ATG2B: variants seen among roughly 807,000 people sequenced by gnomAD.
ATG2B encodes the protein autophagy-related protein 2 homolog B.
ATG2B carries 121 observed loss-of-function variants against 241.3 expected under a neutral mutation model. The observed-to-expected ratio is 0.50, with a 90% CI of 0.43 to 0.58. The LOEUF (loss-of-function observed/expected upper bound fraction) is 0.58. Ranked by LOEUF, ATG2B falls within the 20% of genes least tolerant of loss-of-function variation. ATG2B has a pLI of 0.00. For missense variants in ATG2B, 2,306 were observed against 2,491.6 expected (o/e 0.93, Z 1.59); for synonymous variants, 858 against 876.6 (o/e 0.98, Z 0.37).
intron 17 of ATG2B, 136 bp downstream of exon 17, chr14:96,322,404 G>T: frequency 7.9e-7 from 1 of 1,270,576 alleles, no homozygotes; most frequent in Non-Finnish European, 1.1e-6. Context: ...GAAAAAATAG[G>T]TATTATTCAA....
Position 96,290,022 on chromosome 14 carries a change from T to C in ATG2B, c.5857-217A>G. 1 of 952,926 alleles carries C rather than the reference T, an allele frequency of 1.0e-6. No homozygotes were observed. The highest frequency in any genetic ancestry group is 1.7e-5 in the African/African-American group (1 of 60,388). The allele number at this position is 952,926 out of a possible 1,614,324, so 59.0% of individuals were successfully genotyped here. On this transcript the variant is annotated intron_variant, in intron 40 of 41. Coordinates refer to ENST00000359933, the MANE Select transcript of ATG2B (RefSeq NM_018036.7). This position sits in a 1 kb window ranked among gnomAD's most constrained non-coding sequence, Gnocchi z 4.4. ...TTAATAACTAACACCTGGATTGAGC[T>C]AAATTTTTAGCCCCTCCTCTGTTCA...
rs1221841505 is a variant in ATG2B, at chr14:96,286,000, G to GA, written c.6007-16dup. On this transcript the variant is annotated splice_polypyrimidine_tract_variant and intron_variant, in intron 41 of 41. Coordinates refer to ENST00000359933, the MANE Select transcript of ATG2B (RefSeq NM_018036.7). The surrounding 1 kb of genome is among the most constrained non-coding windows in gnomAD (Gnocchi z 4.2). Reference sequence around the variant, plus strand: ...TCTGTGATTCCCTGCGTAGAGGAGGGAGGTAGGAGAGAGGAGGGCAGTGAA... The same window carrying GA: ...TCTGTGATTCCCTGCGTAGAGGAGGGAAGGTAGGAGAGAGGAGGGCAGTGAA... The GA allele has an allele frequency of 2.5e-6, 4 of 1,597,990 alleles. No homozygotes were observed. In the South Asian group the frequency reaches 4.5e-5, roughly 18 times the overall value.
chr14:96,356,787 A>G (rs1595337719), intron 1 of ATG2B, among the ~76,000 whole-genome samples: 1 of 152,300 alleles, frequency 6.6e-6, no homozygotes, highest in East Asian at 1.9e-4. Context: ...ATATAAAGTC[A>G]GAAAGACAGG....
intron 36 of ATG2B, chr14:96,293,010 CTTT>C (rs1207574182): frequency 1.3e-5 from 2 of 151,940 alleles, no homozygotes; most frequent in African/African-American, 4.8e-5. Context: ...TTTTTATTGC[CTTT>C]TTTAATTAAT....
In ATG2B at chr14:96,328,525, G is replaced by C; in HGVS notation, c.1985C>G (p.Ala662Gly). ...CTTGTGAGGAACTGAACTAAGTCTT[G>C]CTTGATTACCCTTTTAAAAAAAAAA... ...SENRGPQGNQARLSSVPHKAE... is the reference protein window; with the variant it reads ...SENRGPQGNQGRLSSVPHKAE... The change falls in exon 14 of 42, where the codon GCA (alanine) becomes GGA (glycine). Residue 662 changes from alanine (A) to glycine (G), a missense_variant. Ala to Gly is a moderately conservative substitution (Grantham distance 60). Transcript: ENST00000359933. The C allele has an allele frequency of 6.3e-7, 1 of 1,594,858 alleles. No homozygotes were observed. The highest frequency in any genetic ancestry group is 8.5e-7 in the Non-Finnish European group (1 of 1,174,242).
Position 96,307,424 on chromosome 14 carries a change from C to CA in ATG2B, c.4304-509dup, listed in dbSNP as rs1161796256. ...AGAACCTGTCAAAAAAACAAACAAA[C>CA]AAACAAAAAACAACAACTAATAAAA... On this transcript the variant is annotated intron_variant, in intron 29 of 41. Transcript: ENST00000359933. Among the ~76,000 whole-genome samples, 122 of 144,550 alleles carry CA rather than the reference C, an allele frequency of 8.4e-4. No homozygotes were observed. The Middle Eastern group carries it at 0.014, about 17-fold the overall frequency. 94.8% of individuals were successfully genotyped at this position (144,550 alleles called of 152,430 possible).
intron 1 of ATG2B, among the ~76,000 whole-genome samples, chr14:96,349,457 T>C (rs901621680): frequency 1.3e-5 from 2 of 152,154 alleles, no homozygotes; most frequent in African/African-American, 4.8e-5. Flanking sequence ...CCCCTTCAGT[T>C]GCCATGTACA....
chr14:96,289,297 T>C lies in ATG2B; in HGVS notation c.6006+359A>G, dbSNP rs1267069261. ...ATGGGAATAGGATCAGGGTGGGAGATTCATCTGAAAAGTTCTAGTTCTTAA... is the reference window on the plus strand; with the variant it reads ...ATGGGAATAGGATCAGGGTGGGAGACTCATCTGAAAAGTTCTAGTTCTTAA... On this transcript the variant is annotated intron_variant, in intron 41 of 41. Transcript: ENST00000359933. This position sits in a 1 kb window ranked among gnomAD's most constrained non-coding sequence, Gnocchi z 4.3. 2.6e-5 allele frequency among the ~76,000 whole-genome samples: 4 copies of C among 152,178 alleles called. No individual in the cohort carries two copies. Among genetic ancestry groups the C allele is most frequent in the Non-Finnish European group, 4.4e-5 (3 of 68,026 alleles).
chr14:96,323,998 C>T lies in ATG2B; in HGVS notation c.2438G>A (p.Gly813Glu). Reference sequence around the variant, plus strand: ...ATCTCCTTTCTCTTCCTGGAACGATCCTAAAAAAAAAGACTGATTTACTGA... The same window carrying T: ...ATCTCCTTTCTCTTCCTGGAACGATTCTAAAAAAAAAGACTGATTTACTGA... ...KLELTFRELI[G>E]SFQEEKGDPS... Residue 813 changes from glycine (G) to glutamate (E), a missense_variant and splice_region_variant, in exon 16 of 42, where the codon GGA becomes GAA. Transcript: ENST00000359933. 6.4e-7 allele frequency: 1 copy of T among 1,563,590 alleles called. No homozygotes were observed. Among genetic ancestry groups the T allele is most frequent in the South Asian group, 1.2e-5 (1 of 86,174 alleles).
In ATG2B at chr14:96,343,121, C is replaced by A; in HGVS notation, c.742G>T (p.Val248Leu). ...KSSPVCSTAP[V>L]ETEPKLSPSW... ...TTAGGGTTTTTGTTTTTTCTTACCACTGGTGCAGTTGAACACACTGGGGAA... is the reference window on the plus strand; with the variant it reads ...TTAGGGTTTTTGTTTTTTCTTACCAATGGTGCAGTTGAACACACTGGGGAA... Residue 248 changes from valine to leucine, a missense_variant and splice_region_variant, in exon 5 of 42, where the codon GTG (valine) becomes TTG (leucine). This residue lies in a region of ATG2B where 1,927 missense variants were observed against 2,011.2 expected (regional missense o/e 0.96). Transcript: ENST00000359933. 6.5e-7 allele frequency: 1 copy of A among 1,549,598 alleles called. No homozygotes were observed. The highest frequency in any genetic ancestry group is 1.2e-5 in the South Asian group (1 of 81,506).
rs1203560379 is a variant in ATG2B, at chr14:96,308,251, T to TAC, written c.4303+1200_4303+1201dup. On this transcript the variant is annotated intron_variant, in intron 29 of 41. Coordinates refer to ENST00000359933, the MANE Select transcript of ATG2B (RefSeq NM_018036.7). ...ATATACATATATATATATATATATA[T>TAC]ACACACATATATATATATATATATA... is the stretch of plus-strand genomic sequence containing the variant. Among the ~76,000 whole-genome samples the TAC allele has an allele frequency of 2.4e-4, 5 of 20,936 alleles. No homozygotes were observed. In the East Asian group the frequency reaches 3.6e-3, roughly 15 times the overall value. 13.7% of individuals were successfully genotyped at this position (20,936 alleles called of 152,430 possible). A position where few individuals can be genotyped will look rare whatever the true frequency, so the allele number is the denominator to read the frequency against.
chr14:96,306,756 A>G lies in ATG2B; in HGVS notation c.4464T>C (p.Asn1488=). 1 of 1,614,056 alleles carries G rather than the reference A, an allele frequency of 6.2e-7. No individual in the cohort carries two copies. The highest frequency in any genetic ancestry group is 8.5e-7 in the Non-Finnish European group (1 of 1,179,998). ...GTGCAAAAAGAATGCAAAAGTCATCATTCTCAGTGGGCACACCTGTCATTG... is the reference window on the plus strand; with the variant it reads ...GTGCAAAAAGAATGCAAAAGTCATCGTTCTCAGTGGGCACACCTGTCATTG... ...SDAMTGVPTE[N]DDFCILFAPK... The change falls in exon 30 of 42, where the codon AAT becomes AAC. Residue 1488 remains asparagine (N), a synonymous_variant. Transcript: ENST00000359933.
intron 12 of ATG2B, among the ~76,000 whole-genome samples, chr14:96,329,277 C>T (rs1160258311): frequency 1.3e-5 from 2 of 152,140 alleles, no homozygotes; most frequent in Non-Finnish European, 1.5e-5. Flanking sequence ...CAAGTCAACT[C>T]TAATTTAAAA....
rs930827694 is a variant in ATG2B, at chr14:96,323,897, G to A, written c.2539C>T (p.Arg847Ter). ...AAACCTATGCATTTGCTTACTCACC[G>A]TGGCCAGTCAAAGTCATCTGACGAT... is the stretch of plus-strand genomic sequence containing the variant. ...TTSSDDFDWP[R>*]IVLKINPPAM... Residue 847 changes from arginine to a stop codon, truncating the protein, a stop_gained and splice_region_variant, in exon 16 of 42, where the codon CGA (arginine) becomes TGA (stop). Coordinates refer to ENST00000359933, the MANE Select transcript of ATG2B (RefSeq NM_018036.7). LOFTEE classifies it high-confidence loss of function. 1.9e-6 allele frequency: 3 copies of A among 1,597,894 alleles called. No homozygotes were observed. The highest frequency in any genetic ancestry group is 2.6e-6 in the Non-Finnish European group (3 of 1,169,918).
chr14:96,292,410 G>C (rs1256334315), intron 36 of ATG2B, among the ~76,000 whole-genome samples: 1 of 152,040 alleles, frequency 6.6e-6, no homozygotes, highest in Non-Finnish European at 1.5e-5. Flanking sequence ...CCTTTTCTCA[G>C]TTTATGAAAT....
chr14:96,343,522 C>T (rs940061976), intron 4 of ATG2B, among the ~76,000 whole-genome samples: 1 of 152,006 alleles, frequency 6.6e-6, no homozygotes, highest in Non-Finnish European at 1.5e-5. Flanking sequence ...TTAGAATATG[C>T]CTATAATATG....
chr14:96,347,985 T>C (rs1888213865), intron 1 of ATG2B, among the ~76,000 whole-genome samples: 1 of 152,120 alleles, frequency 6.6e-6, no homozygotes, highest in Admixed American at 6.5e-5. Context: ...CACTGTTAGG[T>C]ATAGCCCCCA....
At chr14:96,347,688 T>C (rs1218289687) in intron 1 of ATG2B, among the ~76,000 whole-genome samples, 1 of 152,150 alleles carries the variant, frequency 6.6e-6, no homozygotes, top group Non-Finnish European at 1.5e-5. Flanking sequence ...GAATAGACAT[T>C]CCTCAAAAGA....
In ATG2B at chr14:96,342,754, G is replaced by A. The variant is rs191967355; in HGVS notation, c.744+365C>T. Among the ~76,000 whole-genome samples, 555 of 149,644 alleles carry A rather than the reference G, an allele frequency of 3.7e-3. 4 individuals are homozygous for A. The highest frequency in any genetic ancestry group is 0.013 in the African/African-American group (540 of 40,796). ...AAAAACAAACATAAATGAGTTTTAT[G>A]AGTTTTGTATTTACACTTGGGTCTC... On this transcript the variant is annotated intron_variant, in intron 5 of 41. Coordinates refer to ENST00000359933, the MANE Select transcript of ATG2B (RefSeq NM_018036.7).
Sources: gnomAD v4.1 joint callset for allele counts (sites outside exome capture counted in the v4.1 genomes callset) on GRCh38, gnomAD v4.1.1 for gene constraint, gnomAD v4.1.1 regional missense constraint, Gnocchi (gnomAD v3.1) non-coding constraint, MANE v1.5 for transcripts, NCBI Gene and HGNC (gene_info 2026-07-23, HGNC 2026-07-21) for gene names.